Variants in CACNB2 observed in about 807,000 individuals in gnomAD.
CACNB2 encodes voltage-dependent L-type calcium channel subunit beta-2.
Under a neutral mutation model 73.3 loss-of-function variants are expected in CACNB2, and 42 were observed. The ratio of observed to expected loss-of-function variants is 0.57; its 90% confidence interval spans 0.45 to 0.74. The LOEUF (loss-of-function observed/expected upper bound fraction) is 0.74, where lower values mean the gene tolerates loss of function less well. CACNB2 is among the 30% of genes least tolerant of loss of function. The pLI, the probability that CACNB2 is intolerant of heterozygous loss-of-function variation, is 0.00. For synonymous variants in CACNB2, 348 were observed against 310.3 expected, an observed-to-expected ratio of 1.12 and a Z score of -1.28; for missense variants, 940 against 853.0, an observed-to-expected ratio of 1.10 and a Z score of -1.27.
intron 3 of CACNB2, among the ~76,000 whole-genome samples, chr10:18,492,466 C>T (rs184388997): frequency 6.6e-6 from 1 of 151,936 alleles, no homozygotes; most frequent in Admixed American, 6.5e-5. Context: ...ACTAAAAATA[C>T]AAAAGTTAGC....
At position 18,458,302 on chromosome 10, in the gene CACNB2, A is replaced by G. The variant is rs2047387349; in HGVS notation, c.334-40053A>G. The stretch of plus-strand genomic sequence containing the variant: ...ACAAATTTGGCAAATCAAGTATTGT[A>G]AAAGTCTAGGAAATGTGAAAATTTT... On this transcript the variant is annotated intron_variant, in intron 3 of 13. Coordinates refer to ENST00000324631, the MANE Select transcript of CACNB2 (RefSeq NM_201596.3). Among the ~76,000 whole-genome samples the G allele has an allele frequency of 2.0e-5, 3 of 152,350 alleles. No individual in the cohort carries two copies. The South Asian group carries it at 6.2e-4, about 32-fold the overall frequency.
intron 1 of CACNB2, among the ~76,000 whole-genome samples, chr10:18,150,286 C>T (rs941241875): frequency 3.9e-5 from 6 of 152,232 alleles, no homozygotes; most frequent in African/African-American, 1.2e-4. Context: ...TTTATCATTA[C>T]AGGCTTTTGC....
intron 2 of CACNB2, among the ~76,000 whole-genome samples, chr10:18,242,877 G>A (rs760092006): frequency 4.0e-5 from 6 of 151,368 alleles, no homozygotes; most frequent in Non-Finnish European, 7.4e-5. Context: ...GGGCATGGTG[G>A]TGGGCACCTG....
At chr10:18,447,956 C>G (rs963290987) in intron 3 of CACNB2, among the ~76,000 whole-genome samples, 1 of 151,902 alleles carries the variant, frequency 6.6e-6, no homozygotes, top group East Asian at 1.9e-4. Flanking sequence ...AGAAAAGAAG[C>G]AGAAAAGAAG....
At chr10:18,313,036 A>G (rs1341764156) in intron 2 of CACNB2, among the ~76,000 whole-genome samples, 1 of 152,160 alleles carries the variant, frequency 6.6e-6, no homozygotes, top group East Asian at 1.9e-4. Flanking sequence ...GATTGAAGCA[A>G]ATGTACAGCG....
intron 3 of CACNB2, among the ~76,000 whole-genome samples, chr10:18,403,013 T>C (rs1473961085): frequency 6.6e-6 from 1 of 152,194 alleles, no homozygotes; most frequent in African/African-American, 2.4e-5. Flanking sequence ...CCTTATGTAA[T>C]ACATTATTCA....
intron 2 of CACNB2, among the ~76,000 whole-genome samples, chr10:18,290,112 CTTT>C (rs992393946): frequency 7.4e-4 from 37 of 50,138 alleles, no homozygotes; most frequent in East Asian, 2.0e-3. Flanking sequence ...TTTTCTTTTT[CTTT>C]TTTTTTTTTT....
intron 2 of CACNB2, among the ~76,000 whole-genome samples, chr10:18,264,508 C>G (rs991643202): frequency 2.0e-5 from 3 of 152,186 alleles, no homozygotes; most frequent in Admixed American, 2.0e-4. Flanking sequence ...CTCCTCCCTT[C>G]CAATTCCAGC....
intron 9 of CACNB2, among the ~76,000 whole-genome samples, chr10:18,523,231 A>T (rs1046190529): frequency 1.4e-4 from 22 of 152,182 alleles, no homozygotes; most frequent in Non-Finnish European, 2.8e-4. Flanking sequence ...AACACTAAAA[A>T]AAATTCTGCT....
At chr10:18,525,046 A>AAC (rs1554838137) in intron 9 of CACNB2, among the ~76,000 whole-genome samples, 3 of 149,858 alleles carry the variant, frequency 2.0e-5, no homozygotes, top group African/African-American at 7.5e-5. Context: ...AAAAAAAAAA[A>AAC]AAACACATTA....
At chr10:18,433,966 A>G (rs1355254610) in intron 3 of CACNB2, among the ~76,000 whole-genome samples, 3 of 151,562 alleles carry the variant, frequency 2.0e-5, no homozygotes, top group African/African-American at 2.4e-5. Context: ...ATACTGTGCT[A>G]CAGTATTCCT....
intron 3 of CACNB2, among the ~76,000 whole-genome samples, chr10:18,486,264 C>A (rs1452257709): frequency 6.6e-6 from 1 of 152,058 alleles, no homozygotes; most frequent in Non-Finnish European, 1.5e-5. Flanking sequence ...TGTGTTATAG[C>A]GTTCAAATTA....
chr10:18,344,979 T>G (rs1400788642), intron 2 of CACNB2, among the ~76,000 whole-genome samples: 1 of 152,220 alleles, frequency 6.6e-6, no homozygotes, highest in Non-Finnish European at 1.5e-5. Flanking sequence ...CAACCTTATT[T>G]TGAGATCACT....
At chr10:18,490,167 G>C (rs543193209) in intron 3 of CACNB2, among the ~76,000 whole-genome samples, 3 of 152,206 alleles carry the variant, frequency 2.0e-5, no homozygotes, top group African/African-American at 7.2e-5. Flanking sequence ...CACCAAACTT[G>C]GTGTTTTTAA....
At chr10:18,302,724 G>A (rs974017533) in intron 2 of CACNB2, among the ~76,000 whole-genome samples, 5 of 152,110 alleles carry the variant, frequency 3.3e-5, no homozygotes, top group Non-Finnish European at 7.3e-5. Context: ...AAGGGGGTGA[G>A]GGATAAAAGA....
At chr10:18,232,352 G>T (rs566367855) in intron 2 of CACNB2, among the ~76,000 whole-genome samples, 2 of 152,246 alleles carry the variant, frequency 1.3e-5, no homozygotes, top group African/African-American at 4.8e-5. Flanking sequence ...CAAGTAATTT[G>T]TTCACAGTTA....
At chr10:18,141,551 C>G (rs2030404934) in intron 1 of CACNB2, among the ~76,000 whole-genome samples, 1 of 151,798 alleles carries the variant, frequency 6.6e-6, no homozygotes, top group African/African-American at 2.4e-5. Flanking sequence ...TTTCAGGGAT[C>G]TCCAGGATCC....
At chr10:18,224,766 T>G (rs1386518201) in intron 2 of CACNB2, among the ~76,000 whole-genome samples, 1 of 152,228 alleles carries the variant, frequency 6.6e-6, no homozygotes, top group Non-Finnish European at 1.5e-5. Flanking sequence ...ATAACTTTAC[T>G]GCGGGCTTTT....
intron 2 of CACNB2, among the ~76,000 whole-genome samples, chr10:18,319,588 C>T (rs2040322683): frequency 6.6e-6 from 1 of 151,898 alleles, no homozygotes; most frequent in Non-Finnish European, 1.5e-5. Context: ...ACATTCTGCA[C>T]ATGTATCCTG....
Sources: allele counts gnomAD v4.1 joint callset (sites outside exome capture counted in the v4.1 genomes callset), GRCh38; gene constraint gnomAD v4.1.1; transcripts MANE v1.5; gene names NCBI Gene and HGNC (gene_info 2026-07-23, HGNC 2026-07-21).